Variants in NHS observed in about 807,000 individuals in gnomAD.
NHS encodes actin remodeling regulator NHS.
In NHS, 5 loss-of-function variants were observed where a neutral mutation model predicts 72.5. The ratio of observed to expected loss-of-function variants is 0.07; its 90% confidence interval spans 0.04 to 0.14. The LOEUF (loss-of-function observed/expected upper bound fraction) is 0.14. Among genes scored for constraint, NHS ranks in the 10% least tolerant of loss-of-function variants. The pLI is 1.00. For missense variants in NHS, 1,072 were observed against 1,355.7 expected (o/e 0.79, Z 3.29); for synonymous variants, 464 against 547.7 (o/e 0.85, Z 2.13).
intron 1 of NHS, among the ~76,000 whole-genome samples, chrX:17,525,638 C>CTTTTTTTTTTT (rs1162709869): frequency 5.5e-4 from 29 of 53,027 alleles, no homozygotes; most frequent in African/African-American, 1.6e-3. Flanking sequence ...TCTTTCTTTT[C>CTTTTTTTTTTT]TTTTTTTTTT....
In NHS at chrX:17,669,088, C is replaced by A. The variant is rs1322068071; in HGVS notation, c.566-18654C>A. Among the ~76,000 whole-genome samples, 5 of 112,251 alleles carry A rather than the reference C, an allele frequency of 4.5e-5. No individual in the cohort carries two copies. In the Admixed American group the frequency reaches 4.7e-4, roughly 11 times the overall value. Reference sequence around the variant, plus strand: ...TGCCACAACATCCTCTCTAAAATAGCAACCCCATCACGCTTTATCACCTTG... The same window carrying A: ...TGCCACAACATCCTCTCTAAAATAGAAACCCCATCACGCTTTATCACCTTG... On this transcript the variant is annotated intron_variant, in intron 1 of 8. Transcript: ENST00000676302.
At chrX:17,626,017 A>G (rs755205068) in intron 1 of NHS, among the ~76,000 whole-genome samples, 5 of 112,294 alleles carry the variant, frequency 4.5e-5, no homozygotes, top group Non-Finnish European at 9.4e-5. Context: ...TGTACTTAAA[A>G]GTTTTCCAAT....
intron 1 of NHS, among the ~76,000 whole-genome samples, chrX:17,589,988 G>A (rs149072131): frequency 0.016 from 1,781 of 111,584 alleles, 22 homozygotes; most frequent in Non-Finnish European, 0.021. Context: ...ATCTTCTTTT[G>A]AGAATTGTCT....
intron 1 of NHS, among the ~76,000 whole-genome samples, chrX:17,559,468 C>A (rs1035836758): frequency 2.7e-5 from 3 of 111,796 alleles, no homozygotes; most frequent in Admixed American, 9.5e-5. Context: ...CCTCCGTGCA[C>A]CCCCATTGAA....
chrX:17,703,715 A>G (rs1212317305), intron 3 of NHS, among the ~76,000 whole-genome samples: 1 of 112,695 alleles, frequency 8.9e-6, no homozygotes, highest in African/African-American at 3.2e-5. Flanking sequence ...AAATCCTTCA[A>G]GATACTGAGG....
At chrX:17,528,128 A>G (rs1420312850) in intron 1 of NHS, among the ~76,000 whole-genome samples, 1 of 111,909 alleles carries the variant, frequency 8.9e-6, no homozygotes, top group Admixed American at 9.5e-5. Flanking sequence ...CCCAGGGGAC[A>G]TGTGGCAATG....
intron 1 of NHS, among the ~76,000 whole-genome samples, chrX:17,630,300 C>T (rs2065818399): frequency 9.4e-6 from 1 of 105,828 alleles, no homozygotes; most frequent in Admixed American, 1.0e-4. Context: ...GCAAGTTAAA[C>T]TCATATCCAA....
chrX:17,381,431 C>G (rs897756503), intron 1 of NHS, among the ~76,000 whole-genome samples: 1 of 111,519 alleles, frequency 9.0e-6, no homozygotes, highest in Admixed American at 9.5e-5. Flanking sequence ...CTGAAACATC[C>G]TCCCCTCCCT....
Position 17,662,886 on chromosome X carries a change from G to A in NHS, c.566-24856G>A. ...TTATTTCCTTGCCTCCTCTTTTATT[G>A]TAAATAGAAGCAAAATGTCTTAGAT... On this transcript the variant is annotated intron_variant, in intron 1 of 8. Coordinates refer to ENST00000676302, the MANE Select transcript of NHS (RefSeq NM_001291867.2). 1.8e-5 allele frequency among the ~76,000 whole-genome samples: 2 copies of A among 112,098 alleles called. 1 individual carries two copies. Among genetic ancestry groups the A allele is most frequent in the South Asian group, 7.5e-4 (2 of 2,675 alleles).
chrX:17,573,084 C>T (rs1161764570), intron 1 of NHS, among the ~76,000 whole-genome samples: 1 of 111,647 alleles, frequency 9.0e-6, no homozygotes, highest in East Asian at 2.8e-4. Flanking sequence ...GTGGGTAACC[C>T]GACCTTTCTC....
At chrX:17,485,615 G>C (rs2064964384) in intron 1 of NHS, among the ~76,000 whole-genome samples, 1 of 111,008 alleles carries the variant, frequency 9.0e-6, no homozygotes, top group Non-Finnish European at 1.9e-5. Flanking sequence ...GCTCCTGCCA[G>C]GTTCTAAAGC....
At chrX:17,477,397 G>A (rs745473339) in intron 1 of NHS, among the ~76,000 whole-genome samples, 10 of 112,098 alleles carry the variant, frequency 8.9e-5, no homozygotes, top group Non-Finnish European at 1.3e-4. Flanking sequence ...TGTGGTCAGA[G>A]CTGCATGGGT....
rs541258834 is a variant in NHS at position 17,694,410 on chromosome X, T to G, written c.852+1942T>G. Among the ~76,000 whole-genome samples, 4 of 112,377 alleles carry G rather than the reference T, an allele frequency of 3.6e-5. No individual in the cohort carries two copies. In the South Asian group the frequency reaches 1.5e-3, roughly 41 times the overall value. ...TGGCTGCAGGTATAGAGACAGGAAATTTGTAGTCAAATTGCTGGATAGACA... is the reference window on the plus strand; with the variant it reads ...TGGCTGCAGGTATAGAGACAGGAAAGTTGTAGTCAAATTGCTGGATAGACA... On this transcript the variant is annotated intron_variant, in intron 3 of 8. Transcript: ENST00000676302.
chrX:17,446,896 CAG>C (rs2064783744), intron 1 of NHS, among the ~76,000 whole-genome samples: 2 of 112,019 alleles, frequency 1.8e-5, no homozygotes, highest in African/African-American at 6.5e-5. Flanking sequence ...TTAATTATTG[CAG>C]AGTTTCTTTT....
intron 1 of NHS, among the ~76,000 whole-genome samples, chrX:17,416,886 C>T (rs141855382): frequency 9.3e-6 from 1 of 107,578 alleles, no homozygotes; most frequent in East Asian, 3.0e-4. Flanking sequence ...GCAGTTACTG[C>T]GATTGGTGTA....
intron 1 of NHS, among the ~76,000 whole-genome samples, chrX:17,387,757 T>G (rs2064418100): frequency 8.9e-6 from 1 of 112,835 alleles, no homozygotes. Flanking sequence ...GGACAATTTA[T>G]TGAATTTTCT....
chrX:17,439,370 T>A (rs894174445), intron 1 of NHS, among the ~76,000 whole-genome samples: 71 of 111,268 alleles, frequency 6.4e-4, no homozygotes, highest in Middle Eastern at 4.7e-3. Context: ...AAACTGTGAT[T>A]GTAGATTTCT....
chrX:17,403,431 G>C (rs1181560338), intron 1 of NHS, among the ~76,000 whole-genome samples: 1 of 111,774 alleles, frequency 8.9e-6, no homozygotes, highest in African/African-American at 3.3e-5. Flanking sequence ...TTTCGTGGCT[G>C]AGAGCAGGGC....
intron 1 of NHS, among the ~76,000 whole-genome samples, chrX:17,396,586 T>C (rs2064476033): frequency 9.0e-6 from 1 of 111,688 alleles, no homozygotes; most frequent in Admixed American, 9.6e-5. Context: ...GTTACTTATA[T>C]GATCCAAAAA....
Sources: gnomAD v4.1 joint callset for allele counts (sites outside exome capture counted in the v4.1 genomes callset) on GRCh38, gnomAD v4.1.1 for gene constraint, MANE v1.5 for transcripts, NCBI Gene and HGNC (gene_info 2026-07-23, HGNC 2026-07-21) for gene names.